The following RYR3 variants were observed in gnomAD, a reference collection of about 807,000 sequenced individuals.
The protein encoded by RYR3 is ryanodine receptor 3, also known as brain ryanodine receptor-calcium release channel.
RYR3 carries 207 observed loss-of-function variants against 584.3 expected under a neutral mutation model. The ratio of observed to expected loss-of-function variants is 0.35; its 90% CI spans 0.32 to 0.40. The LOEUF is 0.40. RYR3 is among the 10% of genes least tolerant of loss of function. RYR3 has a pLI of 1.00. For missense variants in RYR3, 5,616 were observed against 6,089.2 expected (o/e 0.92, Z 2.59); for synonymous variants, 2,416 against 2,248.5 (o/e 1.07, Z -2.11).
rs769633289 is a variant in RYR3, at chr15:33,631,216, C to T, written c.2790C>T (p.Leu930=). 126 of 1,581,516 alleles carry T rather than the reference C, an allele frequency of 8.0e-5. No homozygotes were observed. The highest frequency in any genetic ancestry group is 1.0e-4 in the Non-Finnish European group (120 of 1,161,930). Residue 930 remains leucine (L), a synonymous_variant, in exon 23 of 104, where the codon CTC becomes CTT. Transcript: ENST00000634891. ...TCCTTCTGTTGTGTCACAGAACCCTCTTGGCCCTGGGGTGCCACATTGCTC... is the reference window on the plus strand; with the variant it reads ...TCCTTCTGTTGTGTCACAGAACCCTTTTGGCCCTGGGGTGCCACATTGCTC... ...LQMSTETLKT[L]LALGCHIAHV... is the part of the protein sequence containing the mutation.
chr15:33,829,766 A>G (rs954295508), intron 85 of RYR3, among the ~76,000 whole-genome samples: 1 of 145,240 alleles, frequency 6.9e-6, no homozygotes, highest in African/African-American at 2.5e-5. Context: ...AAAAAAAAAA[A>G]AAATTTTGAT....
chr15:33,400,582 T>A (rs929534834), intron 1 of RYR3, among the ~76,000 whole-genome samples: 1 of 152,068 alleles, frequency 6.6e-6, no homozygotes, highest in African/African-American at 2.4e-5. Context: ...TCGTGGAGAC[T>A]TTCTTCCTTC....
At chr15:33,774,796 C>T (rs2073879723) in intron 64 of RYR3, among the ~76,000 whole-genome samples, 1 of 152,092 alleles carries the variant, frequency 6.6e-6, no homozygotes, top group African/African-American at 2.4e-5. Context: ...ACTGGGCAGA[C>T]AAAGTTTTAT....
At chr15:33,834,262 T>G (rs535755796) in intron 86 of RYR3, among the ~76,000 whole-genome samples, 7 of 147,630 alleles carry the variant, frequency 4.7e-5, no homozygotes, top group Non-Finnish European at 7.4e-5. Context: ...CCAGCATGGG[T>G]GACAGAGCAA....
intron 57 of RYR3, among the ~76,000 whole-genome samples, chr15:33,750,704 CAG>C (rs2071200029): frequency 6.6e-6 from 1 of 152,120 alleles, no homozygotes; most frequent in African/African-American, 2.4e-5. Context: ...CACATGATAA[CAG>C]GGTAAATGCA....
At chr15:33,541,557 A>G (rs2141156621) in intron 7 of RYR3, among the ~76,000 whole-genome samples, 1 of 152,272 alleles carries the variant, frequency 6.6e-6, no homozygotes, top group Middle Eastern at 3.4e-3. Flanking sequence ...AATGTCAGTG[A>G]CCTATGGGCT....
chr15:33,574,136 A>G (rs1397035867), intron 12 of RYR3, among the ~76,000 whole-genome samples: 2 of 152,168 alleles, frequency 1.3e-5, no homozygotes, highest in South Asian at 2.1e-4. Flanking sequence ...GGCAGTGGCA[A>G]GGCTGAGACC....
chr15:33,508,119 C>T lies in RYR3; in HGVS notation c.279+4381C>T, dbSNP rs1203226378. Reference sequence around the variant, plus strand: ...ACACAATTACCAGCTGCACTCCTGCCGATAAGGGCTCCGGTTTTCTCTAAA... The same window carrying T: ...ACACAATTACCAGCTGCACTCCTGCTGATAAGGGCTCCGGTTTTCTCTAAA... On this transcript the variant is annotated intron_variant, in intron 3 of 103. Transcript: ENST00000634891. Among the ~76,000 whole-genome samples, 7 of 152,058 alleles carry T rather than the reference C, an allele frequency of 4.6e-5. No homozygotes were observed. The East Asian group carries it at 5.8e-4, about 13-fold the overall frequency.
At chr15:33,644,689 G>T (rs2062002170) in intron 28 of RYR3, among the ~76,000 whole-genome samples, 170 bp downstream of exon 28, 1 of 152,164 alleles carries the variant, frequency 6.6e-6, no homozygotes, top group Non-Finnish European at 1.5e-5. Flanking sequence ...TCTTAATTGG[G>T]ACAGCTCAGT....
At chr15:33,857,641 T>G in intron 98 of RYR3, 139 bp from the exon 99 acceptor site, 1 of 1,011,122 alleles carries the variant, frequency 9.9e-7, no homozygotes, top group Admixed American at 2.5e-5. Context: ...ATAGCTTTCT[T>G]AGCCGCCCTC....
At chr15:33,688,377 TC>T (rs2065165610) in intron 38 of RYR3, among the ~76,000 whole-genome samples, 1 of 151,836 alleles carries the variant, frequency 6.6e-6, no homozygotes, top group African/African-American at 2.4e-5. Flanking sequence ...ATCGAGACCA[TC>T]CTGGATAACA....
At chr15:33,361,008 T>C (rs1296454027) in intron 1 of RYR3, among the ~76,000 whole-genome samples, 1 of 152,190 alleles carries the variant, frequency 6.6e-6, no homozygotes, top group Non-Finnish European at 1.5e-5. Context: ...AATGGCTGTA[T>C]TGAGGGAAAA....
chr15:33,784,451 G>C (rs2074581323), intron 65 of RYR3, among the ~76,000 whole-genome samples: 1 of 152,230 alleles, frequency 6.6e-6, no homozygotes, highest in Non-Finnish European at 1.5e-5. Context: ...GCAGTCTTCT[G>C]CTTTATCTTT....
chr15:33,435,085 G>T (rs2045545641), intron 1 of RYR3, among the ~76,000 whole-genome samples: 1 of 152,114 alleles, frequency 6.6e-6, no homozygotes, highest in African/African-American at 2.4e-5. Flanking sequence ...CTCCCAAAGT[G>T]CTGGGATTAC....
rs559756778 is a variant in RYR3, at chr15:33,830,717, T to G, written c.11335-246T>G. 1.1e-5 allele frequency: 4 copies of G among 350,398 alleles called. No individual in the cohort carries two copies. The South Asian group carries it at 2.8e-4, about 25-fold the overall frequency. The allele number at this position is 350,398 out of a possible 1,614,324, so 21.7% of individuals were successfully genotyped here. A position where few individuals can be genotyped will look rare whatever the true frequency, so the allele number is the denominator to read the frequency against. On this transcript the variant is annotated intron_variant, in intron 85 of 103. Coordinates refer to ENST00000634891, the MANE Select transcript of RYR3 (RefSeq NM_001036.6). ...TTTCACATTGAGTAAATTATCCTAT[T>G]TCATAGTCTCCAAGTTCCAGCTGAA...
intron 16 of RYR3, among the ~76,000 whole-genome samples, chr15:33,589,256 CTTCG>C (rs1160791194): frequency 6.6e-6 from 1 of 152,122 alleles, no homozygotes; most frequent in Non-Finnish European, 1.5e-5. Context: ...ATTCGTGTGT[CTTCG>C]TTTGAAAAAT....
chr15:33,687,746 A>G (rs1385587043), intron 38 of RYR3, among the ~76,000 whole-genome samples: 1 of 152,224 alleles, frequency 6.6e-6, no homozygotes, highest in Non-Finnish European at 1.5e-5. Flanking sequence ...CAGAGGCCTC[A>G]GAAATAACAC....
chr15:33,344,268 AT>A (rs1972169760), intron 1 of RYR3, among the ~76,000 whole-genome samples: 1 of 152,308 alleles, frequency 6.6e-6, no homozygotes, highest in South Asian at 2.1e-4. Context: ...TTGTACTGAA[AT>A]CTGCCTCATG....
intron 1 of RYR3, chr15:33,465,755 T>G (rs767482376): frequency 9.6e-6 from 5 of 519,054 alleles, no homozygotes; most frequent in South Asian, 7.0e-5. Context: ...GTGGTGGTGG[T>G]GAAGAGGATG....
Sources: gnomAD v4.1 joint callset for allele counts (sites outside exome capture counted in the v4.1 genomes callset) on GRCh38, gnomAD v4.1.1 for gene constraint, MANE v1.5 for transcripts, NCBI Gene and HGNC (gene_info 2026-07-23, HGNC 2026-07-21) for gene names.